The following TNRC6A variants were observed in gnomAD, a reference collection of about 807,000 sequenced individuals.
TNRC6A encodes the protein trinucleotide repeat-containing gene 6A protein.
TNRC6A carries 44 observed loss-of-function variants against 221.2 expected under a neutral mutation model. The observed-to-expected ratio is 0.20, with a 90% CI of 0.16 to 0.26. The LOEUF is 0.26. Among genes scored for constraint, TNRC6A ranks in the 10% least tolerant of loss-of-function variants. The probability of loss-of-function intolerance (pLI) is 1.00; values close to 1 mark genes in which losing one functional copy is unlikely to be tolerated. For synonymous variants in TNRC6A, 847 were observed against 838.5 expected (o/e 1.01, Z -0.18); for missense variants, 2,199 against 2,404.4 (o/e 0.91, Z 1.79).
rs2058779848 is a variant in TNRC6A at position 24,822,229 on chromosome 16, G to A, written c.5373+82G>A. 3 of 1,384,926 alleles carry A rather than the reference G, an allele frequency of 2.2e-6. No homozygotes were observed. In the Admixed American group the frequency reaches 5.3e-5, roughly 24 times the overall value. The allele number at this position is 1,384,926 out of a possible 1,614,324, so 85.8% of individuals were successfully genotyped here. ...GGTTCGGGTCTGTATGTGAGACAAG[G>A]GCTGCTAGGTGGTAGTGAAGCCGAG... is the stretch of plus-strand genomic sequence containing the variant. On this transcript the variant is annotated intron_variant, in intron 23 of 24. Transcript: ENST00000395799.
intron 21 of TNRC6A, chr16:24,819,507 C>CTTTTTTTTTTTTTT (rs71383722): frequency 7.4e-4 from 61 of 81,962 alleles, no homozygotes; most frequent in Non-Finnish European, 1.1e-3. Flanking sequence ...CTTTTTCTTT[C>CTTTTTTTTTTTTTT]TTTTTTTTTT....
Position 24,823,633 on chromosome 16 carries a change from G to T in TNRC6A, c.5715G>T (p.Leu1905=), listed in dbSNP as rs141171921. The change falls in exon 25 of 25, where the codon CTG becomes CTT. Residue 1905 remains leucine (L), a synonymous_variant. Coordinates refer to ENST00000395799, the MANE Select transcript of TNRC6A (RefSeq NM_014494.4). This position sits in a 1 kb window ranked among gnomAD's most constrained non-coding sequence, Gnocchi z 4.3. ...TCAATCACTGGAATGGTGCTGGGCTGTCGGGAACTAACTGTGGAGACCTTC... is the reference window on the plus strand; with the variant it reads ...TCAATCACTGGAATGGTGCTGGGCTTTCGGGAACTAACTGTGGAGACCTTC... ...TDLNHWNGAG[L]SGTNCGDLHG... The T allele has an allele frequency of 9.3e-6, 15 of 1,613,546 alleles. No homozygotes were observed. In the African/African-American group the frequency reaches 1.9e-4, roughly 20 times the overall value.
Position 24,678,572 on chromosome 16 carries a change from G to A in TNRC6A, n.402+37563G>A, listed in dbSNP as rs530935927. Among the ~76,000 whole-genome samples the A allele has an allele frequency of 2.0e-5, 3 of 152,290 alleles. No individual in the cohort carries two copies. In the South Asian group the frequency reaches 6.2e-4, roughly 32 times the overall value. On this transcript the variant is annotated intron_variant and non_coding_transcript_variant, in intron 2 of 2. Transcript: ENST00000566108. ...CGGATTCTCCCAGCCAGGCATGGTG[G>A]CGCATGCCTGTAGCCCCAGCTACTT...
Position 24,826,045 on chromosome 16 carries a change from A to C in TNRC6A, c.*2238A>C, listed in dbSNP as rs2058853230. ...GACTTCCATACTGGTTTTTCCAAAA[A>C]CCAAAGGTAGCTTTGAAAAACCATG... is the stretch of plus-strand genomic sequence containing the variant. On this transcript the variant is annotated 3_prime_UTR_variant, in exon 25 of 25. Coordinates refer to ENST00000395799, the MANE Select transcript of TNRC6A (RefSeq NM_014494.4). The C allele has an allele frequency of 6.6e-6, 1 of 152,628 alleles. No individual in the cohort carries two copies. Among genetic ancestry groups the C allele is most frequent in the Admixed American group, 6.5e-5 (1 of 15,288 alleles). The allele number at this position is 152,628 out of a possible 1,614,324, so 9.5% of individuals were successfully genotyped here.
intron 1 of TNRC6A, among the ~76,000 whole-genome samples, chr16:24,637,361 T>C (rs933292777): frequency 1.3e-5 from 2 of 152,152 alleles, no homozygotes; most frequent in African/African-American, 4.8e-5. Context: ...ATCTGTGGTC[T>C]GGGCAGCCTG....
In TNRC6A at chr16:24,823,059, AGT is replaced by A. The variant is rs2058798669; in HGVS notation, c.5513+50_5513+51del. ...CCAGTTGGAAGAGTCTAGGGGAAGGAGTGTGAGAGCACAGCCTGACCCGGGGC... is the reference window on the plus strand; with the variant it reads ...CCAGTTGGAAGAGTCTAGGGGAAGGAGTGAGAGCACAGCCTGACCCGGGGC... On this transcript the variant is annotated intron_variant, in intron 24 of 24. Transcript: ENST00000395799. This position sits in a 1 kb window ranked among gnomAD's most constrained non-coding sequence, Gnocchi z 4.3. 6.2e-7 allele frequency: 1 copy of A among 1,613,064 alleles called. No individual in the cohort carries two copies. Among genetic ancestry groups the A allele is most frequent in the African/African-American group, 1.3e-5 (1 of 74,932 alleles).
intron 4 of TNRC6A, among the ~76,000 whole-genome samples, chr16:24,773,912 G>A (rs886575612): frequency 8.6e-5 from 13 of 151,046 alleles, no homozygotes; most frequent in African/African-American, 2.2e-4. Context: ...TGCTTTTTGC[G>A]AAGTATATTG....
intron 2 of TNRC6A, among the ~76,000 whole-genome samples, chr16:24,711,069 G>A (rs1023407957): frequency 1.3e-5 from 2 of 151,986 alleles, no homozygotes; most frequent in Admixed American, 1.3e-4. Context: ...TAGAGACTGG[G>A]TTTCACCGTG....
chr16:24,668,926 A>G (rs770810561), intron 2 of TNRC6A, among the ~76,000 whole-genome samples: 3 of 152,126 alleles, frequency 2.0e-5, no homozygotes, highest in East Asian at 1.9e-4. Context: ...GTTCAACAGG[A>G]AAAGGGTATT....
chr16:24,809,615 AGTT>A, intron 18 of TNRC6A, 134 bp downstream of exon 18: 2 of 1,166,240 alleles, frequency 1.7e-6, no homozygotes, highest in African/African-American at 1.6e-5. Context: ...ATTTAAAAAA[AGTT>A]GTTATTAAGT....
chr16:24,634,062 G>A (rs867234694), intron 1 of TNRC6A, among the ~76,000 whole-genome samples: 5 of 152,132 alleles, frequency 3.3e-5, no homozygotes, highest in East Asian at 1.9e-4. Context: ...CATGACAGGC[G>A]TGAGCCACTG....
rs1366376462 is a variant in TNRC6A, at chr16:24,713,442, AAACAAAC to A, written n.403-37281_403-37275del. 7.1e-5 allele frequency among the ~76,000 whole-genome samples: 9 copies of A among 127,030 alleles called. No homozygotes were observed. In the South Asian group the frequency reaches 1.1e-3, roughly 16 times the overall value. The allele number at this position is 127,030 out of a possible 152,430, so 83.3% of individuals were successfully genotyped here. A position where few individuals can be genotyped will look rare whatever the true frequency, so the allele number is the denominator to read the frequency against. ...AAAACAAACAAACAAACAAACAAAC[AAACAAAC>A]AAAAAAATATATATATATATATGTT... On this transcript the variant is annotated intron_variant and non_coding_transcript_variant, in intron 2 of 2. Coordinates refer to the TNRC6A transcript ENST00000566108.
intron 4 of TNRC6A, among the ~76,000 whole-genome samples, chr16:24,760,911 C>T (rs2057349951): frequency 6.6e-6 from 1 of 152,184 alleles, no homozygotes; most frequent in Admixed American, 6.6e-5. Flanking sequence ...TAACGGCTTT[C>T]CATTCTAGGA....
At chr16:24,751,313 A>G (rs187877706) in intron 3 of TNRC6A, among the ~76,000 whole-genome samples, 19 of 152,358 alleles carry the variant, frequency 1.2e-4, no homozygotes, top group African/African-American at 4.1e-4. Context: ...CATAATAGGA[A>G]GTAAAGTGTC....
chr16:24,729,132 T>C (rs2056544914), upstream of TNRC6A, among the ~76,000 whole-genome samples: 1 of 152,030 alleles, frequency 6.6e-6, no homozygotes, highest in Non-Finnish European at 1.5e-5. Flanking sequence ...TAAAAATCGC[T>C]TTTAAGCCTC....
At chr16:24,777,739 G>A (rs1435894537) in intron 5 of TNRC6A, among the ~76,000 whole-genome samples, 1 of 152,122 alleles carries the variant, frequency 6.6e-6, no homozygotes, top group African/African-American at 2.4e-5. Context: ...TCCACTTTCA[G>A]TAGAGGCAGC....
intron 9 of TNRC6A, among the ~76,000 whole-genome samples, chr16:24,796,597 G>A (rs2058224029): frequency 6.6e-6 from 1 of 152,168 alleles, no homozygotes; most frequent in Non-Finnish European, 1.5e-5. Flanking sequence ...GGGATGGATG[G>A]GGTGAAAGGA....
intron 2 of TNRC6A, among the ~76,000 whole-genome samples, chr16:24,687,843 G>GGAAGAAGAAGAAGAA (rs758957416): frequency 0.1 from 10,222 of 101,752 alleles, 1,171 homozygotes; most frequent in Non-Finnish European, 0.11. Flanking sequence ...AAGAGGAAGA[G>GGAAGAAGAAGAAGAA]GAAGAAGAAG....
intron 2 of TNRC6A, among the ~76,000 whole-genome samples, chr16:24,666,703 CA>C (rs1465424885): frequency 1.6e-5 from 2 of 128,150 alleles, no homozygotes; most frequent in Non-Finnish European, 3.2e-5. Context: ...ATGGCAGGGG[CA>C]GGGGCAGTGG....
Sources: gnomAD v4.1 joint callset for allele counts (sites outside exome capture counted in the v4.1 genomes callset) on GRCh38, gnomAD v4.1.1 for gene constraint, Gnocchi (gnomAD v3.1) non-coding constraint, MANE v1.5 for transcripts, NCBI Gene and HGNC (gene_info 2026-07-23, HGNC 2026-07-21) for gene names.